The following TASP1 variants were observed in gnomAD, a reference collection of about 807,000 sequenced individuals.
TASP1 encodes the protein threonine aspartase 1.
In TASP1, 16 loss-of-function variants were observed where a neutral mutation model predicts 56.6. That is an observed-to-expected ratio of 0.28 (90% CI 0.19 to 0.43). The LOEUF is 0.43. Ranked by LOEUF, TASP1 falls within the 20% of genes least tolerant of loss-of-function variation. The pLI, the probability that TASP1 is intolerant of heterozygous loss-of-function variation, is 1.00. For synonymous variants in TASP1, 179 were observed against 184.2 expected, an observed-to-expected ratio of 0.97 and a Z score of 0.23; for missense variants, 393 against 511.6, an observed-to-expected ratio of 0.77 and a Z score of 2.24.
intron 13 of TASP1, among the ~76,000 whole-genome samples, chr20:13,407,918 C>G (rs982309574): frequency 6.6e-6 from 1 of 152,044 alleles, no homozygotes; most frequent in African/African-American, 2.4e-5. Flanking sequence ...CCATTTTATG[C>G]CTTCTTATTG....
the TASP1 span, among the ~76,000 whole-genome samples, chr20:13,252,794 A>T: frequency 6.6e-6 from 1 of 151,962 alleles, no homozygotes; most frequent in African/African-American, 2.4e-5. Context: ...CCATGATGAT[A>T]GTAACTTGGC....
intron 4 of TASP1, among the ~76,000 whole-genome samples, chr20:13,595,357 T>A (rs1568627770): frequency 6.6e-6 from 1 of 152,114 alleles, no homozygotes; most frequent in Non-Finnish European, 1.5e-5. Flanking sequence ...AATGACAGGA[T>A]CAAATTCACA....
chr20:13,558,842 G>A (rs1218373573), intron 8 of TASP1, among the ~76,000 whole-genome samples, 166 bp downstream of exon 8: 2 of 151,770 alleles, frequency 1.3e-5, no homozygotes, highest in African/African-American at 4.8e-5. Context: ...TCTTTTATGA[G>A]CCTAATATTA....
At chr20:13,295,779 C>T in the TASP1 span, among the ~76,000 whole-genome samples, 1 of 152,324 alleles carries the variant, frequency 6.6e-6, no homozygotes, top group Non-Finnish European at 1.5e-5. Flanking sequence ...GGAGGAGTCG[C>T]TTGTCGGGCG....
intron 10 of TASP1, among the ~76,000 whole-genome samples, chr20:13,511,598 T>G (rs965528979): frequency 6.6e-5 from 10 of 152,016 alleles, no homozygotes; most frequent in African/African-American, 9.7e-5. Context: ...AAGTTCCGGG[T>G]TTTTTTATTA....
chr20:13,595,295 A>G (rs2047686299), intron 4 of TASP1, among the ~76,000 whole-genome samples: 1 of 152,234 alleles, frequency 6.6e-6, no homozygotes, highest in Non-Finnish European at 1.5e-5. Flanking sequence ...AAGACCATCA[A>G]TGCTATGAAG....
chr20:13,503,467 G>A (rs575795945), intron 10 of TASP1, among the ~76,000 whole-genome samples: 2 of 152,302 alleles, frequency 1.3e-5, no homozygotes, highest in Admixed American at 6.5e-5. Flanking sequence ...GGGCTGACTG[G>A]TGAAGGTGTT....
At chr20:13,427,807 GA>G (rs796688592) in intron 12 of TASP1, among the ~76,000 whole-genome samples, 12 of 151,872 alleles carry the variant, frequency 7.9e-5, no homozygotes, top group Middle Eastern at 3.4e-3. Flanking sequence ...AGTAAAAGAT[GA>G]AAAAAAGGAT....
intron 11 of TASP1, among the ~76,000 whole-genome samples, chr20:13,469,204 A>T (rs572229487): frequency 6.6e-6 from 1 of 152,318 alleles, no homozygotes; most frequent in African/African-American, 2.4e-5. Flanking sequence ...ATTTCCAGTT[A>T]TCAAAATTTA....
the TASP1 span, among the ~76,000 whole-genome samples, chr20:13,304,783 C>T: frequency 4.6e-5 from 7 of 152,158 alleles, no homozygotes; most frequent in Admixed American, 1.3e-4. Context: ...TACCAGTCCA[C>T]GAGCTCCCAG....
intron 10 of TASP1, among the ~76,000 whole-genome samples, chr20:13,525,288 T>A (rs1235784098): frequency 1.3e-5 from 2 of 152,184 alleles, no homozygotes; most frequent in African/African-American, 4.8e-5. Context: ...AAATAACCCC[T>A]TGCCCAGGCT....
intron 11 of TASP1, among the ~76,000 whole-genome samples, chr20:13,475,939 GA>G (rs1229439313): frequency 6.6e-6 from 1 of 151,238 alleles, no homozygotes; most frequent in African/African-American, 2.4e-5. Flanking sequence ...CTAACACGGT[GA>G]AACCCCGTCT....
the TASP1 span, among the ~76,000 whole-genome samples, chr20:13,195,954 G>C: frequency 6.6e-6 from 1 of 152,098 alleles, no homozygotes; most frequent in Non-Finnish European, 1.5e-5. Flanking sequence ...CACACGCAAT[G>C]ATACCCAAGT....
At chr20:13,219,255 CTT>C in the TASP1 span, among the ~76,000 whole-genome samples, 1 of 152,186 alleles carries the variant, frequency 6.6e-6, no homozygotes, top group Admixed American at 6.5e-5. Context: ...CCTTAAAACT[CTT>C]TGGCTGTGGG....
intron 9 of TASP1, among the ~76,000 whole-genome samples, chr20:13,533,083 G>A (rs2045284049): frequency 6.6e-6 from 1 of 152,136 alleles, no homozygotes; most frequent in Non-Finnish European, 1.5e-5. Flanking sequence ...ACTTTGGGGT[G>A]TGCAGTGATA....
the TASP1 span, among the ~76,000 whole-genome samples, chr20:13,263,461 GGTTTTCTCATCTTAGGA>G: frequency 6.6e-6 from 1 of 151,834 alleles, no homozygotes; most frequent in Non-Finnish European, 1.5e-5. Flanking sequence ...TCATTCTCCT[GGTTTTCTCATCTTAGGA>G]GTGCTTGCTC....
At chr20:13,359,213 A>G in the TASP1 span, among the ~76,000 whole-genome samples, 1 of 143,824 alleles carries the variant, frequency 7.0e-6, no homozygotes, top group South Asian at 2.2e-4. Flanking sequence ...TTCCTCCAGA[A>G]CCTCCTCCCA....
intron 10 of TASP1, among the ~76,000 whole-genome samples, chr20:13,514,547 A>T (rs1055977948): frequency 1.3e-5 from 2 of 152,136 alleles, no homozygotes; most frequent in African/African-American, 4.8e-5. Flanking sequence ...TCTGATTCCA[A>T]AGCCCATAAA....
At chr20:13,614,024 C>A (rs984593702) in intron 4 of TASP1, among the ~76,000 whole-genome samples, 2 of 152,148 alleles carry the variant, frequency 1.3e-5, no homozygotes, top group African/African-American at 4.8e-5. Context: ...GACATATTTA[C>A]AGATGCACTG....
Sources: gnomAD v4.1 joint callset for allele counts (sites outside exome capture counted in the v4.1 genomes callset) on GRCh38, gnomAD v4.1.1 for gene constraint, MANE v1.5 for transcripts, NCBI Gene and HGNC (gene_info 2026-07-23, HGNC 2026-07-21) for gene names.